ZFAND6: variants seen among roughly 807,000 people sequenced by gnomAD.
The protein encoded by ZFAND6 is AN1-type zinc finger protein 6.
In ZFAND6, 12 loss-of-function variants were observed where a neutral mutation model predicts 24.5. That is an observed-to-expected ratio of 0.49 (90% CI 0.31 to 0.79). The LOEUF (loss-of-function observed/expected upper bound fraction) is 0.79. Among genes scored for constraint, ZFAND6 ranks in the 30% least tolerant of loss-of-function variants. ZFAND6 has a pLI of 0.04. For synonymous variants in ZFAND6, 92 were observed against 81.5 expected, an observed-to-expected ratio of 1.13 and a Z score of -0.69; for missense variants, 207 against 245.9, an observed-to-expected ratio of 0.84 and a Z score of 1.06.
Position 80,115,921 on chromosome 15 carries a change from T to G in ZFAND6, c.-17-4407T>G, listed in dbSNP as rs116212946. On this transcript the variant is annotated intron_variant, in intron 2 of 6. Coordinates refer to ENST00000261749, the MANE Select transcript of ZFAND6 (RefSeq NM_019006.4). Reference sequence around the variant, plus strand: ...AGTTTTTATGGAAATATATTTATCCTTTTACTGTTTGGTTGCTAGCCATAT... The same window carrying G: ...AGTTTTTATGGAAATATATTTATCCGTTTACTGTTTGGTTGCTAGCCATAT... Among the ~76,000 whole-genome samples the G allele has an allele frequency of 3.5e-3, 533 of 152,252 alleles. 4 individuals are homozygous for G. The highest frequency in any genetic ancestry group is 0.012 in the African/African-American group (517 of 41,556).
intron 1 of ZFAND6, among the ~76,000 whole-genome samples, chr15:80,086,365 T>A (rs2038006764): frequency 6.6e-6 from 1 of 152,222 alleles, no homozygotes; most frequent in Non-Finnish European, 1.5e-5. Context: ...GAGGTATAAT[T>A]TACATACCAC....
intron 2 of ZFAND6, among the ~76,000 whole-genome samples, chr15:80,103,204 G>C (rs1216396873): frequency 1.3e-5 from 2 of 152,218 alleles, no homozygotes; most frequent in Non-Finnish European, 2.9e-5. Context: ...GATTACAAAG[G>C]AACGTGTGTG....
chr15:80,083,594 C>G (rs940625548), intron 1 of ZFAND6, among the ~76,000 whole-genome samples: 2 of 152,090 alleles, frequency 1.3e-5, no homozygotes, highest in African/African-American at 4.8e-5. Context: ...TAGAGAAAAG[C>G]GTGTTCATGG....
At chr15:80,081,228 T>G (rs1365234743) in intron 1 of ZFAND6, among the ~76,000 whole-genome samples, 5 of 152,230 alleles carry the variant, frequency 3.3e-5, no homozygotes, top group African/African-American at 9.6e-5. Context: ...TAACAAATTT[T>G]TATTGAGTTG....
chr15:80,071,334 TAAG>T (rs1034458777), intron 1 of ZFAND6, among the ~76,000 whole-genome samples: 17 of 152,224 alleles, frequency 1.1e-4, no homozygotes, highest in Admixed American at 5.9e-4. Context: ...AAGCATATTT[TAAG>T]AAGAAGTCAC....
At chr15:80,073,345 CTTTTT>C (rs1410952566) in intron 1 of ZFAND6, 1 of 326,234 alleles carries the variant, frequency 3.1e-6, no homozygotes, top group Non-Finnish European at 6.1e-6. Flanking sequence ...GCTACTACAA[CTTTTT>C]TTTAAAGTAT....
chr15:80,097,651 C>CAAATAAATAAAT (rs71453502), intron 1 of ZFAND6, among the ~76,000 whole-genome samples: 6 of 150,002 alleles, frequency 4.0e-5, no homozygotes, highest in Admixed American at 2.7e-4. Context: ...GAAACTGTCT[C>CAAATAAATAAAT]AAATAAATAA....
At chr15:80,095,655 C>G (rs776258093) in intron 1 of ZFAND6, among the ~76,000 whole-genome samples, 1 of 152,062 alleles carries the variant, frequency 6.6e-6, no homozygotes, top group African/African-American at 2.4e-5. Context: ...TAGTAGGAAC[C>G]GCTTTGAGCT....
rs998988524 is a variant in ZFAND6, at chr15:80,127,610, A to C, written c.365-3570A>C. Among the ~76,000 whole-genome samples the C allele has an allele frequency of 3.8e-3, 573 of 151,748 alleles. 7 individuals are homozygous for C. Among genetic ancestry groups the C allele is most frequent in the African/African-American group, 0.013 (556 of 41,390 alleles). On this transcript the variant is annotated intron_variant, in intron 5 of 6. Coordinates refer to ENST00000261749, the MANE Select transcript of ZFAND6 (RefSeq NM_019006.4). ...ATCTCAAAAAAAAAAAAAAAAAAAA[A>C]AAAAACCATGCTCAACTTCATTAGA... is the stretch of plus-strand genomic sequence containing the variant.
At chr15:80,074,567 G>C (rs1174408836) in intron 1 of ZFAND6, among the ~76,000 whole-genome samples, 7 of 151,802 alleles carry the variant, frequency 4.6e-5, no homozygotes, top group Non-Finnish European at 1.0e-4. Flanking sequence ...TTAATTTTGA[G>C]TTTTTAAAAA....
At position 80,065,537 on chromosome 15, in the gene ZFAND6, A is replaced by ATTTTTTTTTTTTTTTTTTTTTTTT. The variant is rs149756891; in HGVS notation, c.-181+5730_-181+5753dup. 1.7e-4 allele frequency among the ~76,000 whole-genome samples: 13 copies of ATTTTTTTTTTTTTTTTTTTTTTTT among 76,498 alleles called. 2 individuals carry two copies. Among genetic ancestry groups the ATTTTTTTTTTTTTTTTTTTTTTTT allele is most frequent in the South Asian group, 1.6e-3 (3 of 1,934 alleles). The allele number at this position is 76,498 out of a possible 152,430, so 50.2% of individuals were successfully genotyped here. ...GGGCTTCAAATTAGTTTTGGTTTTG[A>ATTTTTTTTTTTTTTTTTTTTTTTT]TTTTTTTTTTTTTTTTTTTTTTTTT... is the stretch of plus-strand genomic sequence containing the variant. On this transcript the variant is annotated intron_variant, in intron 1 of 6. Transcript: ENST00000261749.
At chr15:80,101,548 A>G (rs1038358109) in intron 2 of ZFAND6, among the ~76,000 whole-genome samples, 1 of 152,166 alleles carries the variant, frequency 6.6e-6, no homozygotes, top group Non-Finnish European at 1.5e-5. Flanking sequence ...CATTCTCAGT[A>G]GCTACATGTG....
intron 2 of ZFAND6, among the ~76,000 whole-genome samples, chr15:80,117,414 G>A (rs1567087857): frequency 6.6e-6 from 1 of 152,052 alleles, no homozygotes; most frequent in African/African-American, 2.4e-5. Flanking sequence ...AGTAGAGACG[G>A]GGTTTCAATG....
intron 1 of ZFAND6, among the ~76,000 whole-genome samples, chr15:80,070,380 G>A (rs1488786763): frequency 6.6e-6 from 1 of 152,064 alleles, no homozygotes; most frequent in Non-Finnish European, 1.5e-5. Flanking sequence ...CTTTTTGCAG[G>A]CTCCTTGTTC....
chr15:80,067,822 TAA>T (rs1418407760), intron 1 of ZFAND6, among the ~76,000 whole-genome samples: 1 of 152,172 alleles, frequency 6.6e-6, no homozygotes, highest in African/African-American at 2.4e-5. Flanking sequence ...ACTGATGTAT[TAA>T]GTTTGAAATA....
chr15:80,099,480 A>G (rs928092388), intron 2 of ZFAND6, among the ~76,000 whole-genome samples: 1 of 152,232 alleles, frequency 6.6e-6, no homozygotes, highest in Non-Finnish European at 1.5e-5. Context: ...TATGCAGTGT[A>G]TGCACTAAAA....
At chr15:80,117,689 G>A (rs1298820319) in intron 2 of ZFAND6, among the ~76,000 whole-genome samples, 6 of 152,200 alleles carry the variant, frequency 3.9e-5, no homozygotes, top group South Asian at 4.1e-4. Flanking sequence ...CATGCTTCCC[G>A]GTTTGTCATG....
intron 2 of ZFAND6, among the ~76,000 whole-genome samples, chr15:80,105,553 G>A (rs2039276479): frequency 6.6e-6 from 1 of 152,152 alleles, no homozygotes; most frequent in African/African-American, 2.4e-5. Flanking sequence ...ACGGGTTAAA[G>A]TATTTTCACA....
At chr15:80,084,936 A>G (rs1412987017) in intron 1 of ZFAND6, among the ~76,000 whole-genome samples, 1 of 152,200 alleles carries the variant, frequency 6.6e-6, no homozygotes, top group African/African-American at 2.4e-5. Flanking sequence ...CTTGGTTCCT[A>G]TACCAAATAC....
Sources: allele counts gnomAD v4.1 joint callset (sites outside exome capture counted in the v4.1 genomes callset), GRCh38; gene constraint gnomAD v4.1.1; transcripts MANE v1.5; gene names NCBI Gene and HGNC (gene_info 2026-07-23, HGNC 2026-07-21).